The following BFSP2 variants were observed in gnomAD, a reference collection of about 807,000 sequenced individuals.
The protein encoded by BFSP2 is beaded filament structural protein 2, also known as phakinin.
BFSP2 carries 38 observed loss-of-function variants against 44.9 expected under a neutral mutation model. That is an observed-to-expected ratio of 0.85 (90% CI 0.65 to 1.11). The LOEUF is 1.11. Ranked by LOEUF, BFSP2 falls within the 50% of genes least tolerant of loss-of-function variation. The probability of loss-of-function intolerance (pLI) is 0.00; values close to 1 mark genes in which losing one functional copy is unlikely to be tolerated. For synonymous variants in BFSP2, 197 were observed against 209.9 expected (o/e 0.94, Z 0.53); for missense variants, 525 against 533.0 (o/e 0.99, Z 0.15).
chr3:133,474,909 G>A, intron 6 of BFSP2, 60 bp from the exon 7 acceptor site: 1 of 1,601,920 alleles, frequency 6.2e-7, no homozygotes, highest in Non-Finnish European at 8.6e-7. Flanking sequence ...TAATCCTATT[G>A]TGATAGAATG....
chr3:133,448,410 G>A (rs531828200), intron 2 of BFSP2, 79 bp from the exon 3 acceptor site: 1 of 1,529,880 alleles, frequency 6.5e-7, no homozygotes, highest in Non-Finnish European at 9.0e-7. Context: ...CACATAATTG[G>A]CCTGTTGGTA....
At chr3:133,445,009 G>A (rs2073884014) in intron 1 of BFSP2, among the ~76,000 whole-genome samples, 1 of 152,144 alleles carries the variant, frequency 6.6e-6, no homozygotes, top group African/African-American at 2.4e-5. Context: ...CTATGGTCTG[G>A]TCTTGTCTAC....
rs145414799 is a variant in BFSP2, at chr3:133,403,003, T to C, written c.489+2431T>C. 3.6e-3 allele frequency among the ~76,000 whole-genome samples: 544 copies of C among 152,208 alleles called. 1 individual carries two copies. The highest frequency in any genetic ancestry group is 6.3e-3 in the Non-Finnish European group (426 of 68,012). ...TTCAGCCATATTAAACTCTATTCCATCAAGAAGAACAAAAGAAAACTCCAT... is the reference window on the plus strand; with the variant it reads ...TTCAGCCATATTAAACTCTATTCCACCAAGAAGAACAAAAGAAAACTCCAT... On this transcript the variant is annotated intron_variant, in intron 1 of 6. Transcript: ENST00000302334.
In BFSP2 at chr3:133,400,217, A is replaced by G. The variant is rs375519158; in HGVS notation, c.134A>G (p.Asn45Ser). The change falls in exon 1 of 7, where the codon AAT (asparagine) becomes AGT (serine). Residue 45 changes from asparagine to serine, a missense_variant. Asn to Ser is a conservative substitution (Grantham distance 46). Transcript: ENST00000302334. The surrounding 1 kb of genome is among the most constrained non-coding windows in gnomAD (Gnocchi z 4.0). The part of the protein sequence containing the change: ...SLESPPASRT[N>S]AMSGLVRAPG... ...GAGAGCCCCCCAGCCTCCAGGACCA[A>G]TGCCATGAGTGGCCTTGTCCGAGCA... 2.5e-6 allele frequency: 4 copies of G among 1,613,868 alleles called. No individual in the cohort carries two copies. Among genetic ancestry groups the G allele is most frequent in the Non-Finnish European group, 3.4e-6 (4 of 1,179,974 alleles).
intron 1 of BFSP2, chr3:133,404,951 C>T (rs1182228188): frequency 2.6e-5 from 4 of 152,298 alleles, no homozygotes; most frequent in Non-Finnish European, 5.9e-5. Flanking sequence ...CCATTTCCCT[C>T]TCCAGCCTTG....
In BFSP2 at chr3:133,400,312, G is replaced by A; in HGVS notation, c.229G>A (p.Ala77Thr). 1.9e-6 allele frequency: 3 copies of A among 1,613,998 alleles called. No individual in the cohort carries two copies. The highest frequency in any genetic ancestry group is 8.5e-7 in the Non-Finnish European group (1 of 1,180,034). ...GGLGARVTRR[A>T]LGISSVFLQG... ...CTTGGGTGCCCGTGTGACCCGCCGG[G>A]CCCTCGGCATCAGCAGTGTCTTCCT... The change falls in exon 1 of 7, where the codon GCC becomes ACC. Residue 77 changes from alanine (A) to threonine (T), a missense_variant. Transcript: ENST00000302334. The surrounding 1 kb of genome is among the most constrained non-coding windows in gnomAD (Gnocchi z 4.0).
At chr3:133,448,723 C>T in intron 3 of BFSP2, 78 bp downstream of exon 3, 4 of 1,543,538 alleles carry the variant, frequency 2.6e-6, no homozygotes, top group Non-Finnish European at 3.5e-6. Context: ...CATAACAAGG[C>T]CACAGTAGCT....
chr3:133,473,123 T>C (rs935558203), intron 6 of BFSP2, among the ~76,000 whole-genome samples: 11 of 152,074 alleles, frequency 7.2e-5, no homozygotes, highest in Non-Finnish European at 2.9e-5. Flanking sequence ...AGATTCTGCT[T>C]CAGTACGTCT....
At chr3:133,425,438 C>T (rs962302149) in intron 1 of BFSP2, among the ~76,000 whole-genome samples, 1 of 152,204 alleles carries the variant, frequency 6.6e-6, no homozygotes, top group Non-Finnish European at 1.5e-5. Context: ...CCCAAGATCC[C>T]TTTCAACTTG....
chr3:133,465,467 G>T (rs1290215652), intron 4 of BFSP2, among the ~76,000 whole-genome samples: 1 of 152,176 alleles, frequency 6.6e-6, no homozygotes, highest in Non-Finnish European at 1.5e-5. Flanking sequence ...CGTTCCATCA[G>T]ACTGCATCGA....
chr3:133,403,018 G>A (rs1433179708), intron 1 of BFSP2, among the ~76,000 whole-genome samples: 1 of 152,106 alleles, frequency 6.6e-6, no homozygotes, highest in Non-Finnish European at 1.5e-5. Flanking sequence ...AAGAACAAAA[G>A]AAAACTCCAT....
At chr3:133,431,421 A>G (rs935538976) in intron 1 of BFSP2, among the ~76,000 whole-genome samples, 13 of 152,228 alleles carry the variant, frequency 8.5e-5, no homozygotes, top group East Asian at 1.9e-4. Context: ...CAGAAATCTG[A>G]CCACCAGGCC....
intron 4 of BFSP2, among the ~76,000 whole-genome samples, chr3:133,458,071 C>T (rs2074029493): frequency 6.6e-6 from 1 of 152,154 alleles, no homozygotes; most frequent in African/African-American, 2.4e-5. Flanking sequence ...GCCAATTGCT[C>T]TCTACAAAGA....
chr3:133,435,542 A>G (rs1311200342), intron 1 of BFSP2, among the ~76,000 whole-genome samples: 2 of 152,202 alleles, frequency 1.3e-5, no homozygotes, highest in Admixed American at 6.5e-5. Flanking sequence ...TAAAATTTCC[A>G]TTGAAAACTC....
chr3:133,425,989 GCAGGGCAGGGCAGGGA>G lies in BFSP2; in HGVS notation c.490-21327_490-21312del, dbSNP rs1434597330. Among the ~76,000 whole-genome samples the G allele has an allele frequency of 2.1e-4, 11 of 53,464 alleles. 1 individual carries two copies. Among genetic ancestry groups the G allele is most frequent in the East Asian group, 1.0e-3 (2 of 1,944 alleles). The allele number at this position is 53,464 out of a possible 152,430, so 35.1% of individuals were successfully genotyped here. A position where few individuals can be genotyped will look rare whatever the true frequency, so the allele number is the denominator to read the frequency against. On this transcript the variant is annotated intron_variant, in intron 1 of 6. Transcript: ENST00000302334. ...AGGGGATGGGGGAGGGGAAGGCAGG[GCAGGGCAGGGCAGGGA>G]AAGGAAGGGAAGGGAAGGGAAGGGA...
At chr3:133,403,988 G>A (rs2073383614) in intron 1 of BFSP2, among the ~76,000 whole-genome samples, 1 of 83,080 alleles carries the variant, frequency 1.2e-5, no homozygotes, top group Non-Finnish European at 3.2e-5. Context: ...AGGCCGTCCT[G>A]GGGAGGGGGG....
At chr3:133,408,004 A>G (rs1169734317) in intron 1 of BFSP2, among the ~76,000 whole-genome samples, 2 of 152,212 alleles carry the variant, frequency 1.3e-5, no homozygotes, top group African/African-American at 2.4e-5. Context: ...AAAGCAACAA[A>G]GGAAAATATT....
Position 133,450,422 on chromosome 3 carries a change from TGAAAA to T in BFSP2, c.853_857del (p.Lys285ProfsTer11). ...TCAGAATTCAGTGGGAGAGAGATGT[TGAAAA>T]GAACCGGGTGGAGGCAGGAGCCCTG... On this transcript the variant is annotated frameshift_variant, in exon 4 of 7. Coordinates refer to ENST00000302334, the MANE Select transcript of BFSP2 (RefSeq NM_003571.4). LOFTEE classifies it high-confidence loss of function. The T allele has an allele frequency of 6.2e-7, 1 of 1,614,034 alleles. No individual in the cohort carries two copies. The highest frequency in any genetic ancestry group is 8.5e-7 in the Non-Finnish European group (1 of 1,179,994).
At chr3:133,456,484 T>C (rs1198429072) in intron 4 of BFSP2, among the ~76,000 whole-genome samples, 1 of 152,178 alleles carries the variant, frequency 6.6e-6, no homozygotes, top group Non-Finnish European at 1.5e-5. Context: ...CAGTGGCTCA[T>C]GCCTATAGTC....
Sources: gnomAD v4.1 joint callset for allele counts (sites outside exome capture counted in the v4.1 genomes callset) on GRCh38, gnomAD v4.1.1 for gene constraint, Gnocchi (gnomAD v3.1) non-coding constraint, MANE v1.5 for transcripts, NCBI Gene and HGNC (gene_info 2026-07-23, HGNC 2026-07-21) for gene names.